Variants in CSGALNACT1 observed in about 807,000 individuals in gnomAD.
CSGALNACT1 encodes the protein chondroitin sulfate N-acetylgalactosaminyltransferase 1, also known as beta4GalNAcT-1.
In CSGALNACT1, 52 loss-of-function variants were observed where a neutral mutation model predicts 51.0. The observed-to-expected ratio is 1.02, with a 90% confidence interval of 0.82 to 1.29. CSGALNACT1 has a LOEUF of 1.29. Ranked by LOEUF, CSGALNACT1 falls within the 50% of genes most tolerant of loss-of-function variation. The probability of loss-of-function intolerance (pLI) is 0.00; values close to 1 mark genes in which losing one functional copy is unlikely to be tolerated. For synonymous variants in CSGALNACT1, 341 were observed against 254.4 expected, an observed-to-expected ratio of 1.34 and a Z score of -3.24; for missense variants, 935 against 679.2, an observed-to-expected ratio of 1.38 and a Z score of -4.19.
intron 1 of CSGALNACT1, among the ~76,000 whole-genome samples, chr8:19,631,987 G>C (rs1037469602): frequency 6.6e-6 from 1 of 152,140 alleles, no homozygotes; most frequent in Non-Finnish European, 1.5e-5. Flanking sequence ...TTTGCTGTAG[G>C]TTATTACACC....
intron 1 of CSGALNACT1, among the ~76,000 whole-genome samples, chr8:19,720,292 A>C (rs1006216306): frequency 1.3e-5 from 2 of 152,192 alleles, no homozygotes; most frequent in African/African-American, 4.8e-5. Context: ...AAGAGAGATA[A>C]ATAAGACGCG....
upstream of CSGALNACT1, among the ~76,000 whole-genome samples, chr8:19,607,239 G>A (rs2051518589): frequency 6.6e-6 from 1 of 151,940 alleles, no homozygotes; most frequent in South Asian, 2.1e-4. Flanking sequence ...TTGTCAACAT[G>A]GGAACCACTA....
At chr8:19,456,581 G>A (rs557553794) in intron 5 of CSGALNACT1, among the ~76,000 whole-genome samples, 4 of 152,280 alleles carry the variant, frequency 2.6e-5, no homozygotes, top group African/African-American at 9.6e-5. Context: ...CCATTCCAAA[G>A]GGAAAACCTA....
upstream of CSGALNACT1, among the ~76,000 whole-genome samples, chr8:19,605,435 C>G (rs540832209): frequency 1.3e-5 from 2 of 152,234 alleles, no homozygotes; most frequent in South Asian, 4.1e-4. Context: ...GACTCTGTCT[C>G]CAATAAATAA....
rs188447499 is a variant in CSGALNACT1 at position 19,614,832 on chromosome 8, G to A, written c.-543-12967C>T. 5.6e-4 allele frequency among the ~76,000 whole-genome samples: 86 copies of A among 152,330 alleles called. No homozygotes were observed. The South Asian group carries it at 0.015, about 26-fold the overall frequency. On this transcript the variant is annotated intron_variant, in intron 1 of 9. Coordinates refer to the CSGALNACT1 transcript ENST00000332246. ...CAGAGCATTTCTGCTACACGGTGCT[G>A]CCCTTGCTGGCCACTGGCTGGTTAC... is the stretch of plus-strand genomic sequence containing the variant.
chr8:19,729,518 C>T (rs1331525013), intron 1 of CSGALNACT1, among the ~76,000 whole-genome samples: 2 of 152,122 alleles, frequency 1.3e-5, no homozygotes, highest in Non-Finnish European at 2.9e-5. Flanking sequence ...GACCGGACAA[C>T]CTGGGATGCT....
chr8:19,438,059 T>C (rs569016448), intron 6 of CSGALNACT1, among the ~76,000 whole-genome samples: 2 of 152,288 alleles, frequency 1.3e-5, no homozygotes, highest in East Asian at 3.9e-4. Context: ...TGTGGTTACG[T>C]GTAACCGTCA....
intron 3 of CSGALNACT1, among the ~76,000 whole-genome samples, chr8:19,548,570 T>C (rs368062905): frequency 6.6e-6 from 1 of 152,262 alleles, no homozygotes; most frequent in East Asian, 1.9e-4. Flanking sequence ...ATATTATTTT[T>C]AAAACATTTT....
At chr8:19,473,254 T>G (rs1292310773) in intron 4 of CSGALNACT1, among the ~76,000 whole-genome samples, 1 of 152,224 alleles carries the variant, frequency 6.6e-6, no homozygotes, top group Non-Finnish European at 1.5e-5. Context: ...CTAGAGGATT[T>G]TTTTGATATT....
intron 1 of CSGALNACT1, among the ~76,000 whole-genome samples, chr8:19,720,602 G>A (rs562769487): frequency 1.3e-5 from 2 of 152,122 alleles, no homozygotes; most frequent in African/African-American, 4.8e-5. Flanking sequence ...TCCCTTCCCC[G>A]GACAGGGCTA....
chr8:19,694,297 G>A (rs558534246), intron 1 of CSGALNACT1, among the ~76,000 whole-genome samples: 8 of 152,154 alleles, frequency 5.3e-5, no homozygotes, highest in African/African-American at 1.7e-4. Context: ...ACCCACATAA[G>A]TGTAGTAAGT....
At chr8:19,654,515 T>A (rs2058092052) in intron 1 of CSGALNACT1, among the ~76,000 whole-genome samples, 1 of 152,166 alleles carries the variant, frequency 6.6e-6, no homozygotes, top group African/African-American at 2.4e-5. Context: ...ATGTTTAAAA[T>A]GAGGATGTTG....
At chr8:19,632,349 C>G (rs1425488270) in intron 1 of CSGALNACT1, among the ~76,000 whole-genome samples, 1 of 152,262 alleles carries the variant, frequency 6.6e-6, no homozygotes, top group African/African-American at 2.4e-5. Flanking sequence ...AAAACAAGCG[C>G]TTTCTCAACT....
intron 3 of CSGALNACT1, among the ~76,000 whole-genome samples, chr8:19,573,258 A>T (rs1451007118): frequency 6.6e-6 from 1 of 152,224 alleles, no homozygotes; most frequent in Non-Finnish European, 1.5e-5. Flanking sequence ...CATAGCAACC[A>T]GAATGTTGAA....
chr8:19,469,357 C>T (rs2067534612), intron 4 of CSGALNACT1, among the ~76,000 whole-genome samples: 1 of 152,122 alleles, frequency 6.6e-6, no homozygotes, highest in African/African-American at 2.4e-5. Flanking sequence ...CACCACTGCA[C>T]TGCAGCCTGG....
At chr8:19,516,692 C>T (rs1436954032) in intron 3 of CSGALNACT1, among the ~76,000 whole-genome samples, 2 of 152,206 alleles carry the variant, frequency 1.3e-5, no homozygotes, top group African/African-American at 4.8e-5. Flanking sequence ...CTAAGTGATT[C>T]CACCAGACCC....
At chr8:19,485,976 T>C (rs993411884) in intron 4 of CSGALNACT1, among the ~76,000 whole-genome samples, 2 of 151,706 alleles carry the variant, frequency 1.3e-5, no homozygotes, top group African/African-American at 2.4e-5. Flanking sequence ...ATGTTGATCA[T>C]GCTGGTCTCA....
At chr8:19,669,993 T>C (rs2059666761) in intron 1 of CSGALNACT1, among the ~76,000 whole-genome samples, 1 of 152,184 alleles carries the variant, frequency 6.6e-6, no homozygotes, top group Non-Finnish European at 1.5e-5. Context: ...TTATATTTTA[T>C]TATTTCCACC....
intron 3 of CSGALNACT1, among the ~76,000 whole-genome samples, chr8:19,570,060 G>A (rs1245225110): frequency 6.6e-6 from 1 of 151,508 alleles, no homozygotes; most frequent in Admixed American, 6.6e-5. Context: ...GGCAGGGGAT[G>A]TTAAATGGAA....
Sources: gnomAD v4.1 joint callset for allele counts (sites outside exome capture counted in the v4.1 genomes callset) on GRCh38, gnomAD v4.1.1 for gene constraint, MANE v1.5 for transcripts, NCBI Gene and HGNC (gene_info 2026-07-23, HGNC 2026-07-21) for gene names.